The following DOC2B variants were observed in gnomAD, a reference collection of about 807,000 sequenced individuals.
The protein encoded by DOC2B is double C2-like domain-containing protein beta.
DOC2B carries 21 observed loss-of-function variants against 28.9 expected under a neutral mutation model. The observed-to-expected ratio is 0.73, with a 90% CI of 0.52 to 1.05. DOC2B has a LOEUF of 1.05. Ranked by LOEUF, DOC2B falls within the 50% of genes least tolerant of loss-of-function variation. The pLI, the probability that DOC2B is intolerant of heterozygous loss-of-function variation, is 0.00. For missense variants in DOC2B, 384 were observed against 421.1 expected (o/e 0.91, Z 0.77); for synonymous variants, 194 against 178.1 (o/e 1.09, Z -0.71).
At chr17:158,122 C>A (rs2040157034) in intron 5 of DOC2B, among the ~76,000 whole-genome samples, 1 of 152,206 alleles carries the variant, frequency 6.6e-6, no homozygotes, top group Admixed American at 6.5e-5. Context: ...GCTGCCAGTG[C>A]CTGCCTCTCA....
intron 2 of DOC2B, among the ~76,000 whole-genome samples, chr17:164,737 C>T (rs1273341849): frequency 6.6e-6 from 1 of 152,210 alleles, no homozygotes; most frequent in African/African-American, 2.4e-5. Context: ...ACCCCTCTCT[C>T]ACTCTGGTTC....
At chr17:161,321 C>G in intron 5 of DOC2B, 94 bp downstream of exon 5, 1 of 1,313,958 alleles carries the variant, frequency 7.6e-7, no homozygotes, top group South Asian at 1.3e-5. Context: ...TCTCACTCTG[C>G]CCCTCATGAG....
chr17:166,725 C>G lies in DOC2B; in HGVS notation c.454-2521G>C, dbSNP rs1039859389. Among the ~76,000 whole-genome samples the G allele has an allele frequency of 7.4e-5, 11 of 148,448 alleles. No homozygotes were observed. The East Asian group carries it at 1.4e-3, about 19-fold the overall frequency. ...TTCTTGACGTAGTGAATACGTCTCACGAGATCTCATGGTCTGACACTGTTC... is the reference window on the plus strand; with the variant it reads ...TTCTTGACGTAGTGAATACGTCTCAGGAGATCTCATGGTCTGACACTGTTC... On this transcript the variant is annotated intron_variant, in intron 2 of 8. Transcript: ENST00000613549.
At chr17:147,875 C>T (rs1304388367) in intron 8 of DOC2B, among the ~76,000 whole-genome samples, 1 of 152,234 alleles carries the variant, frequency 6.6e-6, no homozygotes, top group African/African-American at 2.4e-5. Context: ...TGCGCAGCCA[C>T]CAGGCCCACT....
At chr17:166,609 G>A (rs1256711804) in intron 2 of DOC2B, among the ~76,000 whole-genome samples, 1 of 152,188 alleles carries the variant, frequency 6.6e-6, no homozygotes, top group Non-Finnish European at 1.5e-5. Flanking sequence ...GACTGTTCTT[G>A]ACGTAGTGAA....
Position 144,209 on chromosome 17 carries a change from C to T in DOC2B, c.*3232G>A, listed in dbSNP as rs1264927826. On this transcript the variant is annotated 3_prime_UTR_variant, in exon 9 of 9. Coordinates refer to ENST00000613549, the MANE Select transcript of DOC2B (RefSeq NM_003585.5). ...GGGATGATGGACCCGAGTAAAGATG[C>T]CCATTCGGGGTCAAAGGCAGAGCCG... 5 of 152,242 alleles carry T rather than the reference C, an allele frequency of 3.3e-5. No homozygotes were observed. The highest frequency in any genetic ancestry group is 9.7e-5 in the African/African-American group (4 of 41,284). The allele number at this position is 152,242 out of a possible 1,614,324, so 9.4% of individuals were successfully genotyped here.
rs541913532 is a variant in DOC2B at position 162,251 on chromosome 17, C to T, written c.529-61G>A. 1.8e-5 allele frequency: 23 copies of T among 1,267,952 alleles called. No homozygotes were observed. In the South Asian group the frequency reaches 2.7e-4, roughly 15 times the overall value. The allele number at this position is 1,267,952 out of a possible 1,614,324, so 78.5% of individuals were successfully genotyped here. A position where few individuals can be genotyped will look rare whatever the true frequency, so the allele number is the denominator to read the frequency against. ...GTGTGTATCAAACAGAACAATGGCCCCCAGAGATGGCCACGTGCTCATCTT... is the reference window on the plus strand; with the variant it reads ...GTGTGTATCAAACAGAACAATGGCCTCCAGAGATGGCCACGTGCTCATCTT... On this transcript the variant is annotated intron_variant, in intron 3 of 8. Coordinates refer to ENST00000613549, the MANE Select transcript of DOC2B (RefSeq NM_003585.5).
At chr17:172,649 G>A in intron 1 of DOC2B, 33 bp from the exon 2 acceptor site, 1 of 1,524,098 alleles carries the variant, frequency 6.6e-7, no homozygotes, top group African/African-American at 1.4e-5. Context: ...GTCCCACCCT[G>A]GCCGCATCTT....
intron 4 of DOC2B, 76 bp downstream of exon 4, chr17:162,005 G>A (rs1358725482): frequency 1.9e-6 from 2 of 1,061,504 alleles, no homozygotes; most frequent in Non-Finnish European, 2.8e-6. Flanking sequence ...TGACCCTCCA[G>A]TCCTGCCTTC....
intron 6 of DOC2B, chr17:155,905 TCCCCTCCTGCAACTCATGG>T (rs2040129229): frequency 2.7e-6 from 1 of 367,538 alleles, no homozygotes. Context: ...CCGCCTTCTG[TCCCCTCCTGCAACTCATGG>T]CCCCTCCTGG....
chr17:159,033 C>G (rs2040168911), intron 5 of DOC2B, among the ~76,000 whole-genome samples: 1 of 113,002 alleles, frequency 8.8e-6, no homozygotes, highest in Admixed American at 9.3e-5. Context: ...GACATAGACT[C>G]CATCTCATAA....
In DOC2B at chr17:166,651, G is replaced by C. The variant is rs567027364; in HGVS notation, c.454-2447C>G. ...TCACGAGATCTGATGATCTGACACT[G>C]TTCTTGAGGTAGTGAATACGTCTCA... On this transcript the variant is annotated intron_variant, in intron 2 of 8. Transcript: ENST00000613549. Among the ~76,000 whole-genome samples, 73 of 152,030 alleles carry C rather than the reference G, an allele frequency of 4.8e-4. No individual in the cohort carries two copies. The South Asian group carries it at 0.014, about 29-fold the overall frequency.
Position 181,556 on chromosome 17 carries a change from C to A in DOC2B, c.-77G>T. ...CCCGGGGGCGGCTCAGCAGGCCCGG[C>A]GGGGCGCGGCGGGGGCTGCGGGCAT... is the stretch of plus-strand genomic sequence containing the variant. On this transcript the variant is annotated 5_prime_UTR_variant, in exon 1 of 9. Coordinates refer to ENST00000613549, the MANE Select transcript of DOC2B (RefSeq NM_003585.5). This position sits in a 1 kb window ranked among gnomAD's most constrained non-coding sequence, Gnocchi z 7.0. 1 of 737,930 alleles carries A rather than the reference C, an allele frequency of 1.4e-6. No homozygotes were observed. Among genetic ancestry groups the A allele is most frequent in the Non-Finnish European group, 1.6e-6 (1 of 607,638 alleles). The allele number at this position is 737,930 out of a possible 1,614,324, so 45.7% of individuals were successfully genotyped here.
chr17:152,547 C>T (rs1555521908), intron 6 of DOC2B, among the ~76,000 whole-genome samples: 2 of 152,060 alleles, frequency 1.3e-5, no homozygotes, highest in African/African-American at 2.4e-5. Context: ...CTAGGAGGAT[C>T]GTTTGAGTCC....
intron 6 of DOC2B, among the ~76,000 whole-genome samples, chr17:152,017 CCT>C (rs2040077730): frequency 6.6e-6 from 1 of 152,236 alleles, no homozygotes; most frequent in Non-Finnish European, 1.5e-5. Context: ...CTGCAAAGCC[CCT>C]GAGGCCCGCC....
At chr17:161,268 C>A in intron 5 of DOC2B, 147 bp downstream of exon 5, 2 of 845,408 alleles carry the variant, frequency 2.4e-6, no homozygotes, top group Non-Finnish European at 1.9e-6. Flanking sequence ...CTCACCTCCA[C>A]CCCCTTGACT....
rs1434594671 is a variant in DOC2B at position 149,147 on chromosome 17, C to T, written c.969G>A (p.Ala323=). The stretch of plus-strand genomic sequence containing the variant: ...CCGGGTTCAGGGTTTTTTTCTTCAC[C>T]GCTGTCTTATGTTTGGATTTCTTGT... ...DVDKKSKHKT[A]VKKKTLNPEF... is the part of the protein sequence containing the mutation. The change falls in exon 7 of 9, where the codon GCG becomes GCA. Residue 323 remains alanine, a synonymous_variant. Coordinates refer to ENST00000613549, the MANE Select transcript of DOC2B (RefSeq NM_003585.5). The T allele has an allele frequency of 1.4e-4, 54 of 399,712 alleles. No homozygotes were observed. Among genetic ancestry groups the T allele is most frequent in the African/African-American group, 5.4e-4 (26 of 48,570 alleles). 24.8% of individuals were successfully genotyped at this position (399,712 alleles called of 1,614,324 possible). A position where few individuals can be genotyped will look rare whatever the true frequency, so the allele number is the denominator to read the frequency against.
chr17:150,418 C>G (rs986710795), intron 6 of DOC2B, among the ~76,000 whole-genome samples: 6 of 151,910 alleles, frequency 3.9e-5, no homozygotes, highest in African/African-American at 1.5e-4. Flanking sequence ...AACCTGCATC[C>G]CTAGAAGTGA....
intron 5 of DOC2B, among the ~76,000 whole-genome samples, chr17:158,504 C>A (rs1420233823): frequency 6.6e-6 from 1 of 152,168 alleles, no homozygotes; most frequent in Non-Finnish European, 1.5e-5. Flanking sequence ...GACATACATG[C>A]CCCACCAGCC....
Sources: gnomAD v4.1 joint callset for allele counts (sites outside exome capture counted in the v4.1 genomes callset) on GRCh38, gnomAD v4.1.1 for gene constraint, Gnocchi (gnomAD v3.1) non-coding constraint, MANE v1.5 for transcripts, NCBI Gene and HGNC (gene_info 2026-07-23, HGNC 2026-07-21) for gene names.